The following NLGN1 variants were observed in gnomAD, a reference collection of about 807,000 sequenced individuals.
The protein encoded by NLGN1 is neuroligin-1.
In NLGN1, 12 loss-of-function variants were observed where a neutral mutation model predicts 65.5. The ratio of observed to expected loss-of-function variants is 0.18; its 90% CI spans 0.12 to 0.30. The LOEUF (loss-of-function observed/expected upper bound fraction) is 0.30, where lower values mean the gene tolerates loss of function less well. Ranked by LOEUF, NLGN1 falls within the 10% of genes least tolerant of loss-of-function variation. The pLI is 1.00. For synonymous variants in NLGN1, 350 were observed against 359.5 expected, an observed-to-expected ratio of 0.97 and a Z score of 0.30; for missense variants, 750 against 1,007.1, an observed-to-expected ratio of 0.74 and a Z score of 3.46.
chr3:173,598,725 G>A (rs545632697), intron 2 of NLGN1, among the ~76,000 whole-genome samples: 14 of 152,232 alleles, frequency 9.2e-5, no homozygotes, highest in East Asian at 3.9e-4. Flanking sequence ...TTTTCTTTCT[G>A]TCATAAGTCA....
intron 4 of NLGN1, among the ~76,000 whole-genome samples, chr3:173,945,713 C>T (rs1310455381): frequency 6.6e-6 from 1 of 152,062 alleles, no homozygotes; most frequent in Non-Finnish European, 1.5e-5. Flanking sequence ...TTTCCCCACT[C>T]GCATTTATGA....
At chr3:174,047,664 G>A (rs1289872830) in intron 4 of NLGN1, among the ~76,000 whole-genome samples, 2 of 151,924 alleles carry the variant, frequency 1.3e-5, no homozygotes, top group African/African-American at 4.8e-5. Context: ...AGTAATACGT[G>A]TTAAGTAAAT....
chr3:173,754,156 C>A (rs1776753270), intron 3 of NLGN1, among the ~76,000 whole-genome samples: 1 of 151,316 alleles, frequency 6.6e-6, no homozygotes, highest in South Asian at 2.1e-4. Context: ...AGGCGATCCT[C>A]GCACCTCAGC....
At chr3:173,521,571 G>T (rs139499863) in intron 2 of NLGN1, among the ~76,000 whole-genome samples, 302 of 152,258 alleles carry the variant, frequency 2.0e-3, no homozygotes, top group Non-Finnish European at 3.7e-3. Flanking sequence ...CACAAATTCT[G>T]AGCCTTTTTT....
chr3:173,874,725 C>T (rs1022595105), intron 4 of NLGN1, among the ~76,000 whole-genome samples: 3 of 152,136 alleles, frequency 2.0e-5, no homozygotes, highest in African/African-American at 4.8e-5. Flanking sequence ...ATAATAACAG[C>T]ATGATCTCCA....
chr3:173,952,299 A>G (rs1027270662), intron 4 of NLGN1, among the ~76,000 whole-genome samples: 8 of 152,180 alleles, frequency 5.3e-5, no homozygotes, highest in South Asian at 2.1e-4. Flanking sequence ...AGTCACTGAG[A>G]TGAAGAATGT....
At chr3:173,781,921 T>C (rs1274330448) in intron 3 of NLGN1, among the ~76,000 whole-genome samples, 1 of 152,194 alleles carries the variant, frequency 6.6e-6, no homozygotes. Flanking sequence ...CTTAAAGTAA[T>C]TTTTTCATTA....
intron 4 of NLGN1, among the ~76,000 whole-genome samples, chr3:174,071,631 G>A (rs2152535170): frequency 6.6e-6 from 1 of 151,890 alleles, no homozygotes; most frequent in East Asian, 1.9e-4. Flanking sequence ...ACTTGAGCCT[G>A]GGAGGAGAAG....
chr3:174,079,683 C>T (rs1741736932), intron 4 of NLGN1, among the ~76,000 whole-genome samples: 3 of 152,294 alleles, frequency 2.0e-5, no homozygotes, highest in South Asian at 4.1e-4. Context: ...GGGACATGTA[C>T]ACCATGGAAC....
chr3:173,473,644 T>C (rs1725672751), intron 2 of NLGN1, among the ~76,000 whole-genome samples: 1 of 152,242 alleles, frequency 6.6e-6, no homozygotes, highest in East Asian at 1.9e-4. Context: ...TCATTCTCCC[T>C]ATCCCAAATT....
At chr3:173,806,507 T>G (rs1716687439) in intron 3 of NLGN1, among the ~76,000 whole-genome samples, 1 of 152,082 alleles carries the variant, frequency 6.6e-6, no homozygotes, top group Non-Finnish European at 1.5e-5. Context: ...AGATAATACA[T>G]TTGATGTAAT....
At chr3:173,678,392 A>G (rs989357289) in intron 3 of NLGN1, among the ~76,000 whole-genome samples, 2 of 152,118 alleles carry the variant, frequency 1.3e-5, no homozygotes, top group Admixed American at 1.3e-4. Context: ...CATTGGATGT[A>G]CAAAAAAGGG....
intron 4 of NLGN1, among the ~76,000 whole-genome samples, chr3:173,975,072 T>G (rs1717120838): frequency 6.6e-6 from 1 of 152,022 alleles, no homozygotes; most frequent in African/African-American, 2.4e-5. Context: ...TTTCTAGGGC[T>G]GGGGTCTGTG....
intron 4 of NLGN1, among the ~76,000 whole-genome samples, chr3:174,274,659 A>G (rs1750181509): frequency 6.6e-6 from 1 of 151,696 alleles, no homozygotes; most frequent in Admixed American, 6.6e-5. Context: ...TTCCTAATTA[A>G]TTGAGTAGCT....
chr3:173,464,443 T>TG (rs961287934), intron 2 of NLGN1, among the ~76,000 whole-genome samples: 5 of 151,592 alleles, frequency 3.3e-5, no homozygotes, highest in African/African-American at 1.2e-4. Context: ...CAATTTTTTT[T>TG]TTTTTTTTGG....
the NLGN1 span, among the ~76,000 whole-genome samples, chr3:174,292,944 A>AT: frequency 7.9e-5 from 12 of 151,530 alleles, no homozygotes; most frequent in African/African-American, 2.7e-4. Flanking sequence ...AGCATGTTAA[A>AT]TTATACCATG....
At chr3:173,700,670 A>T (rs1309819032) in intron 3 of NLGN1, among the ~76,000 whole-genome samples, 1 of 152,192 alleles carries the variant, frequency 6.6e-6, no homozygotes, top group Non-Finnish European at 1.5e-5. Flanking sequence ...CTATTACTTG[A>T]ATCTAATTTC....
intron 1 of NLGN1, among the ~76,000 whole-genome samples, chr3:173,415,190 A>C (rs551683): frequency 0.29 from 43,503 of 152,104 alleles, 6,535 homozygotes; most frequent in Middle Eastern, 0.4. Flanking sequence ...GTAGTAACTC[A>C]GTTGTATGTG....
chr3:174,152,881 TATG>T (rs1357267687), intron 4 of NLGN1, among the ~76,000 whole-genome samples: 2 of 152,158 alleles, frequency 1.3e-5, no homozygotes, highest in African/African-American at 4.8e-5. Flanking sequence ...CAGCACCTAG[TATG>T]ATGACTTTTT....
Sources: gnomAD v4.1 joint callset for allele counts (sites outside exome capture counted in the v4.1 genomes callset) on GRCh38, gnomAD v4.1.1 for gene constraint, MANE v1.5 for transcripts, NCBI Gene and HGNC (gene_info 2026-07-23, HGNC 2026-07-21) for gene names.